Variants in TRPM3 observed in about 807,000 individuals in gnomAD.
TRPM3 encodes the protein long transient receptor potential channel 3.
A neutral mutation model predicts 181.2 loss-of-function variants in TRPM3; 77 were observed. The observed-to-expected ratio is 0.42, with a 90% CI of 0.35 to 0.51. TRPM3 has a LOEUF of 0.51. Among genes scored for constraint, TRPM3 ranks in the 20% least tolerant of loss-of-function variants. The probability of loss-of-function intolerance (pLI) is 0.01; values close to 1 mark genes in which losing one functional copy is unlikely to be tolerated. For synonymous variants in TRPM3, 745 were observed against 796.4 expected, an observed-to-expected ratio of 0.94 and a Z score of 1.09; for missense variants, 1,759 against 2,196.7, an observed-to-expected ratio of 0.80 and a Z score of 3.98.
chr9:71,400,513 A>T (rs963279968), intron 1 of TRPM3, among the ~76,000 whole-genome samples: 2 of 152,366 alleles, frequency 1.3e-5, no homozygotes, highest in African/African-American at 4.8e-5. Context: ...GCATGGGGGT[A>T]AAAGAGAAAT....
In TRPM3 at chr9:71,069,650, C is replaced by A. The variant is rs554799739; in HGVS notation, c.177+51528G>T. ...TTGAGACGGAGTCTCACTCTGTTGC[C>A]CAGGCTGGAGTGCAGTGGCACAATC... On this transcript the variant is annotated intron_variant, in intron 1 of 25. Transcript: ENST00000677713. Among the ~76,000 whole-genome samples, 310 of 148,368 alleles carry A rather than the reference C, an allele frequency of 2.1e-3. 1 individual carries two copies. Among genetic ancestry groups the A allele is most frequent in the African/African-American group, 7.3e-3 (292 of 40,002 alleles).
chr9:71,024,724 T>A (rs1427733029), intron 1 of TRPM3, among the ~76,000 whole-genome samples: 4 of 152,258 alleles, frequency 2.6e-5, no homozygotes, highest in African/African-American at 9.6e-5. Flanking sequence ...TTCTTGGCAT[T>A]CAGTCAGTCT....
chr9:71,426,096 T>A (rs2093858110), intron 1 of TRPM3, among the ~76,000 whole-genome samples: 2 of 152,194 alleles, frequency 1.3e-5, no homozygotes. Flanking sequence ...AGGTTTCATC[T>A]ACTTGTTTAT....
At chr9:71,070,906 C>T (rs1038800793) in intron 1 of TRPM3, among the ~76,000 whole-genome samples, 4 of 152,176 alleles carry the variant, frequency 2.6e-5, no homozygotes, top group African/African-American at 9.7e-5. Flanking sequence ...AAAACCATAA[C>T]TGCTGCTTTA....
At chr9:71,436,027 C>T (rs994716893) in intron 1 of TRPM3, among the ~76,000 whole-genome samples, 1 of 152,146 alleles carries the variant, frequency 6.6e-6, no homozygotes, top group Non-Finnish European at 1.5e-5. Flanking sequence ...AGAATTCCCA[C>T]ATGTTGTGGG....
intron 1 of TRPM3, among the ~76,000 whole-genome samples, chr9:70,883,501 C>G (rs777997676): frequency 1.8e-4 from 27 of 152,154 alleles, no homozygotes; most frequent in Non-Finnish European, 2.8e-4. Context: ...GTGTATAAGA[C>G]AGAAATCAAG....
At chr9:71,102,575 C>T (rs2134074774) in intron 1 of TRPM3, among the ~76,000 whole-genome samples, 1 of 152,284 alleles carries the variant, frequency 6.6e-6, no homozygotes, top group South Asian at 2.1e-4. Context: ...TCTGCACATA[C>T]TCTTTCCTCT....
intron 6 of TRPM3, among the ~76,000 whole-genome samples, chr9:70,808,910 T>G (rs769895417): frequency 3.3e-5 from 5 of 152,204 alleles, no homozygotes; most frequent in Non-Finnish European, 7.3e-5. Flanking sequence ...CAGTCATGTG[T>G]TGCATAATGA....
At chr9:70,880,811 C>G (rs183390676) in intron 1 of TRPM3, among the ~76,000 whole-genome samples, 1 of 152,214 alleles carries the variant, frequency 6.6e-6, no homozygotes, top group African/African-American at 2.4e-5. Context: ...TTAGAGGCTA[C>G]TTATATGAAG....
At chr9:71,330,804 C>T (rs753019833) in intron 1 of TRPM3, among the ~76,000 whole-genome samples, 1 of 151,768 alleles carries the variant, frequency 6.6e-6, no homozygotes, top group Non-Finnish European at 1.5e-5. Context: ...CACACAGATA[C>T]AGGAGGCAGA....
At chr9:70,824,489 A>G (rs1265186816) in intron 6 of TRPM3, 1 of 151,690 alleles carries the variant, frequency 6.6e-6, no homozygotes. Flanking sequence ...GTGCAATGGC[A>G]TGGTCTCGGC....
At chr9:70,946,967 T>C (rs2096940498) in intron 1 of TRPM3, among the ~76,000 whole-genome samples, 1 of 152,222 alleles carries the variant, frequency 6.6e-6, no homozygotes, top group Non-Finnish European at 1.5e-5. Flanking sequence ...CATTCTGTTG[T>C]TGATACACTT....
chr9:70,870,885 A>C lies in TRPM3; in HGVS notation c.178-6374T>G, dbSNP rs560125380. Among the ~76,000 whole-genome samples, 7 of 152,068 alleles carry C rather than the reference A, an allele frequency of 4.6e-5. No individual in the cohort carries two copies. The South Asian group carries it at 1.5e-3, about 32-fold the overall frequency. ...CTTTTTGCTTTTCCATGTTTTCCAA[A>C]GTTTTCTCCTGTAACCATATGTTTA... On this transcript the variant is annotated intron_variant, in intron 1 of 25. Transcript: ENST00000677713.
At chr9:71,227,633 A>G (rs2080768659) in intron 1 of TRPM3, among the ~76,000 whole-genome samples, 1 of 151,598 alleles carries the variant, frequency 6.6e-6, no homozygotes. Context: ...ATAAAAAAAA[A>G]TCAGAAATGA....
chr9:71,422,316 A>G (rs1010869201), intron 1 of TRPM3, among the ~76,000 whole-genome samples: 5 of 152,090 alleles, frequency 3.3e-5, no homozygotes, highest in African/African-American at 1.2e-4. Context: ...GGAAAATGTG[A>G]CACATTATCT....
At chr9:70,780,532 A>ATT (rs5898166) in intron 7 of TRPM3, among the ~76,000 whole-genome samples, 6 of 149,454 alleles carry the variant, frequency 4.0e-5, no homozygotes, top group East Asian at 3.9e-4. Flanking sequence ...TAGGTGGGCC[A>ATT]TTTTTTTTTT....
chr9:70,607,446 A>G (rs2061358099), intron 19 of TRPM3, among the ~76,000 whole-genome samples: 1 of 152,144 alleles, frequency 6.6e-6, no homozygotes, highest in Non-Finnish European at 1.5e-5. Flanking sequence ...ATGTAAACAC[A>G]ATTGAACAGA....
At chr9:71,303,352 T>A (rs2086953111) in intron 1 of TRPM3, among the ~76,000 whole-genome samples, 1 of 152,248 alleles carries the variant, frequency 6.6e-6, no homozygotes, top group African/African-American at 2.4e-5. Context: ...CAAAGTTAAA[T>A]ATCTCTTTAT....
intron 1 of TRPM3, among the ~76,000 whole-genome samples, chr9:70,919,989 C>A (rs899172069): frequency 1.3e-5 from 2 of 152,112 alleles, no homozygotes; most frequent in African/African-American, 4.8e-5. Context: ...ACCCTCCCTG[C>A]AGTTTACTAA....
Sources: allele counts gnomAD v4.1 joint callset (sites outside exome capture counted in the v4.1 genomes callset), GRCh38; gene constraint gnomAD v4.1.1; transcripts MANE v1.5; gene names NCBI Gene and HGNC (gene_info 2026-07-23, HGNC 2026-07-21).